Variants in SDCCAG8 observed in about 807,000 individuals in gnomAD.
The protein encoded by SDCCAG8 is SHH signaling and ciliogenesis regulator SDCCAG8, also known as serologically defined colon cancer antigen 8.
In SDCCAG8, 74 loss-of-function variants were observed where a neutral mutation model predicts 101.8. The observed-to-expected ratio is 0.73, with a 90% CI of 0.60 to 0.88. SDCCAG8 has a LOEUF of 0.88. Among genes scored for constraint, SDCCAG8 ranks in the 40% least tolerant of loss-of-function variants. The pLI, the probability that SDCCAG8 is intolerant of heterozygous loss-of-function variation, is 0.00. For missense variants in SDCCAG8, 787 were observed against 822.6 expected (o/e 0.96, Z 0.53); for synonymous variants, 281 against 292.9 (o/e 0.96, Z 0.41).
chr1:243,420,487 C>G (rs749861427), intron 15 of SDCCAG8, among the ~76,000 whole-genome samples: 34 of 152,134 alleles, frequency 2.2e-4, no homozygotes, highest in Non-Finnish European at 3.7e-4. Context: ...GGACATAAGT[C>G]TATGCCACAA....
chr1:243,314,318 G>T (rs769711973), intron 8 of SDCCAG8, among the ~76,000 whole-genome samples: 18 of 152,238 alleles, frequency 1.2e-4, no homozygotes, highest in Non-Finnish European at 2.4e-4. Flanking sequence ...TCTGTATATT[G>T]GAGTTTTATC....
At chr1:243,317,874 G>A (rs1251740710) in intron 9 of SDCCAG8, among the ~76,000 whole-genome samples, 1 of 152,140 alleles carries the variant, frequency 6.6e-6, no homozygotes, top group Admixed American at 6.5e-5. Context: ...CAGATATAGA[G>A]CATTTTCATT....
At chr1:243,377,217 A>G (rs1364518968) in intron 12 of SDCCAG8, among the ~76,000 whole-genome samples, 1 of 152,168 alleles carries the variant, frequency 6.6e-6, no homozygotes, top group East Asian at 1.9e-4. Context: ...CTGTGTAAGA[A>G]AATTAATGAA....
At chr1:243,327,731 C>T (rs111379589) in intron 9 of SDCCAG8, among the ~76,000 whole-genome samples, 6 of 152,144 alleles carry the variant, frequency 3.9e-5, no homozygotes, top group African/African-American at 1.4e-4. Flanking sequence ...GTTTACTAGA[C>T]CCAAATCTTT....
At chr1:243,324,479 T>TTTTTC (rs1231217923) in intron 9 of SDCCAG8, among the ~76,000 whole-genome samples, 1 of 149,558 alleles carries the variant, frequency 6.7e-6, no homozygotes, top group Admixed American at 6.7e-5. Flanking sequence ...TTTTTTTTTT[T>TTTTTC]TCAGAGACAG....
chr1:243,457,880 A>T (rs564433882), intron 16 of SDCCAG8, among the ~76,000 whole-genome samples: 1 of 152,298 alleles, frequency 6.6e-6, no homozygotes, highest in South Asian at 2.1e-4. Flanking sequence ...GATTTTATTG[A>T]CTTATACTGT....
chr1:243,256,067 G>T lies in SDCCAG8; in HGVS notation c.-107G>T, dbSNP rs953460642. The T allele has an allele frequency of 9.8e-7, 1 of 1,025,004 alleles. No homozygotes were observed. The highest frequency in any genetic ancestry group is 1.6e-5 in the African/African-American group (1 of 63,562). 63.5% of individuals were successfully genotyped at this position (1,025,004 alleles called of 1,614,324 possible). A position where few individuals can be genotyped will look rare whatever the true frequency, so the allele number is the denominator to read the frequency against. On this transcript the variant is annotated 5_prime_UTR_variant, in exon 1 of 18. Coordinates refer to ENST00000366541, the MANE Select transcript of SDCCAG8 (RefSeq NM_006642.5). ...TTCTAGGCTCCCCTGTGACAGCCGC[G>T]GCAGGAAGCAGGCGGGCGCTCCCCG...
intron 11 of SDCCAG8, 63 bp downstream of exon 11, chr1:243,341,236 C>T: frequency 1.3e-6 from 2 of 1,575,346 alleles, no homozygotes; most frequent in Non-Finnish European, 1.7e-6. Flanking sequence ...AAAATGTTTT[C>T]CTAATGTACA....
At chr1:243,387,063 C>T (rs1366869161) in intron 13 of SDCCAG8, among the ~76,000 whole-genome samples, 3 of 152,196 alleles carry the variant, frequency 2.0e-5, no homozygotes, top group African/African-American at 7.2e-5. Flanking sequence ...GGTATCACCT[C>T]GGAGGTTAAG....
At chr1:243,353,946 G>T (rs1266472571) in intron 12 of SDCCAG8, among the ~76,000 whole-genome samples, 1 of 152,098 alleles carries the variant, frequency 6.6e-6, no homozygotes, top group Non-Finnish European at 1.5e-5. Context: ...AGTCATATAG[G>T]ATTGTTTTCC....
chr1:243,442,628 A>G (rs1180021615), intron 16 of SDCCAG8, among the ~76,000 whole-genome samples: 2 of 151,856 alleles, frequency 1.3e-5, no homozygotes, highest in Non-Finnish European at 2.9e-5. Context: ...AAAAAAAAGT[A>G]TAGCCACAAA....
chr1:243,274,258 A>G (rs2068333133), intron 3 of SDCCAG8, among the ~76,000 whole-genome samples: 1 of 152,212 alleles, frequency 6.6e-6, no homozygotes. Flanking sequence ...ACTCATTATC[A>G]TGAGGATAGC....
chr1:243,433,081 C>T (rs901761313), intron 16 of SDCCAG8, among the ~76,000 whole-genome samples: 1 of 151,998 alleles, frequency 6.6e-6, no homozygotes, highest in Non-Finnish European at 1.5e-5. Flanking sequence ...CCGTTGCCAT[C>T]GCAGCAGCTG....
Position 243,401,599 on chromosome 1 carries a change from C to A in SDCCAG8, c.1617-14103C>A, listed in dbSNP as rs939232361. On this transcript the variant is annotated intron_variant, in intron 13 of 17. Coordinates refer to ENST00000366541, the MANE Select transcript of SDCCAG8 (RefSeq NM_006642.5). The stretch of plus-strand genomic sequence containing the variant: ...CACTTATTAGGAAGGAGTCTGTGAC[C>A]CAGGTACATAACTGAACATTTTAAA... Among the ~76,000 whole-genome samples, 9 of 152,190 alleles carry A rather than the reference C, an allele frequency of 5.9e-5. No homozygotes were observed. In the South Asian group the frequency reaches 1.0e-3, roughly 18 times the overall value.
In SDCCAG8 at chr1:243,443,722, T is replaced by C. The variant is rs1027270261; in HGVS notation, c.1985+17164T>C. On this transcript the variant is annotated intron_variant, in intron 16 of 17. Coordinates refer to ENST00000366541, the MANE Select transcript of SDCCAG8 (RefSeq NM_006642.5). ...ATCCTGTCAGAGCCCAAGAATAAAT[T>C]TGGCTTCCGCTTGCTGTGTCTGTCT... 3.9e-5 allele frequency among the ~76,000 whole-genome samples: 6 copies of C among 152,136 alleles called. No individual in the cohort carries two copies. The East Asian group carries it at 1.2e-3, about 29-fold the overall frequency.
intron 16 of SDCCAG8, among the ~76,000 whole-genome samples, chr1:243,444,047 C>T (rs1457390943): frequency 2.6e-5 from 4 of 152,096 alleles, no homozygotes; most frequent in African/African-American, 4.8e-5. Flanking sequence ...TTTTATTCTT[C>T]CCACTGACAA....
intron 13 of SDCCAG8, among the ~76,000 whole-genome samples, chr1:243,393,451 G>C (rs1558404984): frequency 6.8e-6 from 1 of 147,856 alleles, no homozygotes; most frequent in Non-Finnish European, 1.5e-5. Flanking sequence ...ATTGGTCTGA[G>C]ATAAGACCTT....
At chr1:243,369,436 G>A (rs1259901741) in intron 12 of SDCCAG8, among the ~76,000 whole-genome samples, 1 of 152,124 alleles carries the variant, frequency 6.6e-6, no homozygotes, top group Admixed American at 6.6e-5. Flanking sequence ...TGAGTTGAAT[G>A]GTGGATGGAG....
At chr1:243,399,581 A>G (rs1200738860) in intron 13 of SDCCAG8, among the ~76,000 whole-genome samples, 1 of 151,954 alleles carries the variant, frequency 6.6e-6, no homozygotes, top group African/African-American at 2.4e-5. Context: ...ATCTCAGCTT[A>G]CTGCAACCTC....
Sources: gnomAD v4.1 joint callset for allele counts (sites outside exome capture counted in the v4.1 genomes callset) on GRCh38, gnomAD v4.1.1 for gene constraint, MANE v1.5 for transcripts, NCBI Gene and HGNC (gene_info 2026-07-23, HGNC 2026-07-21) for gene names.